UGDH: variants seen among roughly 807,000 people sequenced by gnomAD.
UGDH encodes the protein UDP-Glc dehydrogenase.
In UGDH, 38 loss-of-function variants were observed where a neutral mutation model predicts 50.6. The observed-to-expected ratio is 0.75, with a 90% CI of 0.58 to 0.98. The LOEUF (loss-of-function observed/expected upper bound fraction) is 0.98, where lower values mean the gene tolerates loss of function less well. UGDH is among the 50% of genes least tolerant of loss of function. The pLI is 0.00. For synonymous variants in UGDH, 168 were observed against 199.9 expected, an observed-to-expected ratio of 0.84 and a Z score of 1.35; for missense variants, 465 against 606.2, an observed-to-expected ratio of 0.77 and a Z score of 2.45.
At position 39,521,420 on chromosome 4, in the gene UGDH, C is replaced by A; in HGVS notation, c.93G>T (p.Arg31Ser). ...SVIAHMCPEI[R>S]VTVVDVNESR... ...ATTCATTGACATCAACAACCGTTACCCTGATTTCAGGACACATATGAGCAA... is the reference window on the plus strand; with the variant it reads ...ATTCATTGACATCAACAACCGTTACACTGATTTCAGGACACATATGAGCAA... The change falls in exon 2 of 12, where the codon AGG (arginine) becomes AGT (serine). Residue 31 changes from arginine to serine, a missense_variant. Physicochemically the swap from Arg to Ser is moderately radical, Grantham distance 110. Transcript: ENST00000316423. The A allele has an allele frequency of 3.1e-6, 5 of 1,613,422 alleles. No individual in the cohort carries two copies. The highest frequency in any genetic ancestry group is 4.2e-6 in the Non-Finnish European group (5 of 1,179,696).
At chr4:39,516,101 C>A (rs1320253709) in intron 2 of UGDH, among the ~76,000 whole-genome samples, 1 of 152,028 alleles carries the variant, frequency 6.6e-6, no homozygotes, top group Non-Finnish European at 1.5e-5. Flanking sequence ...GGCAACATGG[C>A]GAAACCCCAT....
At chr4:39,519,637 C>T (rs1157680804) in intron 2 of UGDH, among the ~76,000 whole-genome samples, 2 of 152,064 alleles carry the variant, frequency 1.3e-5, no homozygotes, top group Non-Finnish European at 2.9e-5. Context: ...CTCCTGGGTA[C>T]AAGCGATTCT....
chr4:39,500,382 T>C (rs760071252), intron 11 of UGDH, 129 bp from the exon 12 acceptor site: 1 of 567,348 alleles, frequency 1.8e-6, no homozygotes, highest in Non-Finnish European at 3.1e-6. Flanking sequence ...GTTGTCTGAG[T>C]TGCTATGAGA....
At position 39,504,454 on chromosome 4, in the gene UGDH, T is replaced by C; in HGVS notation, c.1226A>G (p.His409Arg). The C allele has an allele frequency of 6.2e-7, 1 of 1,614,138 alleles. No homozygotes were observed. The highest frequency in any genetic ancestry group is 8.5e-7 in the Non-Finnish European group (1 of 1,180,018). ...KDPYEACDGA[H>R]AVVICTEWDM... is the part of the protein sequence containing the mutation. ...CCACTCAGTGCAAATAACAACAGCA[T>C]GGGCACCATCACATGCTTCATATGG... Residue 409 changes from histidine to arginine, a missense_variant, in exon 10 of 12, where the codon CAT (histidine) becomes CGT (arginine). Coordinates refer to ENST00000316423, the MANE Select transcript of UGDH (RefSeq NM_003359.4).
Position 39,505,348 on chromosome 4 carries a change from T to G in UGDH, c.1060A>C (p.Ser354Arg). 1 of 1,577,768 alleles carries G rather than the reference T, an allele frequency of 6.3e-7. No homozygotes were observed. The change falls in exon 9 of 12, where the codon AGC becomes CGC. Residue 354 changes from serine (S) to arginine (R), a missense_variant. Coordinates refer to ENST00000316423, the MANE Select transcript of UGDH (RefSeq NM_003359.4). ...GCACCTTCATCCATCAAATATTTGCTAATATATATACTAGAAGATTCTCTA... is the reference window on the plus strand; with the variant it reads ...GCACCTTCATCCATCAAATATTTGCGAATATATATACTAGAAGATTCTCTA... ...DTRESSSIYI[S>R]KYLMDEGAHL...
At chr4:39,525,263 G>A (rs1316127115) in intron 1 of UGDH, among the ~76,000 whole-genome samples, 8 of 152,106 alleles carry the variant, frequency 5.3e-5, no homozygotes, top group Non-Finnish European at 1.0e-4. Flanking sequence ...GCACCATGTC[G>A]GCTCACTGCA....
At position 39,504,407 on chromosome 4, in the gene UGDH, G is replaced by C. The variant is rs1745948497; in HGVS notation, c.1263+10C>G. On this transcript the variant is annotated intron_variant, in intron 10 of 11. Transcript: ENST00000316423. ...TAGAATTTTCCTTAGTATCTTTTCT[G>C]TTACCTTACCTTAAACATGTCCCAC... The C allele has an allele frequency of 1.2e-6, 2 of 1,612,890 alleles. No individual in the cohort carries two copies. Among genetic ancestry groups the C allele is most frequent in the East Asian group, 4.5e-5 (2 of 44,852 alleles).
At chr4:39,501,939 C>T (rs114806876) in intron 11 of UGDH, among the ~76,000 whole-genome samples, 5,820 of 152,206 alleles carry the variant, frequency 0.038, 132 homozygotes, top group South Asian at 0.082. Context: ...GAATTAAAAA[C>T]TAATATTTAA....
chr4:39,515,810 G>A (rs964987503), intron 2 of UGDH, among the ~76,000 whole-genome samples: 4 of 151,964 alleles, frequency 2.6e-5, no homozygotes, highest in Admixed American at 6.6e-5. Flanking sequence ...AGTGATTCTC[G>A]TGCCGCAAAC....
At chr4:39,513,208 C>G (rs1050655501) in intron 3 of UGDH, among the ~76,000 whole-genome samples, 4 of 152,108 alleles carry the variant, frequency 2.6e-5, no homozygotes, top group African/African-American at 9.7e-5. Context: ...ACTAGGACAG[C>G]AAGATGTAAG....
chr4:39,505,839 G>A (rs1746005162), intron 7 of UGDH, 91 bp from the exon 8 acceptor site: 3 of 1,269,228 alleles, frequency 2.4e-6, no homozygotes, highest in South Asian at 4.4e-5. Context: ...GAGTGCTATT[G>A]TACAAATACA....
At chr4:39,512,302 T>C (rs1746276390) in intron 3 of UGDH, among the ~76,000 whole-genome samples, 1 of 152,156 alleles carries the variant, frequency 6.6e-6, no homozygotes, top group African/African-American at 2.4e-5. Context: ...AATGGGAGAC[T>C]AAATAAAGGA....
intron 3 of UGDH, among the ~76,000 whole-genome samples, 167 bp downstream of exon 3, chr4:39,513,916 A>T (rs1746344543): frequency 6.6e-6 from 1 of 152,208 alleles, no homozygotes; most frequent in Admixed American, 6.5e-5. Context: ...CTAGATGATT[A>T]CGGGGTTTTG....
chr4:39,501,288 T>C (rs1399941246), intron 11 of UGDH, among the ~76,000 whole-genome samples: 4 of 146,260 alleles, frequency 2.7e-5, no homozygotes, highest in Admixed American at 6.9e-5. Flanking sequence ...TTTTTTTTTT[T>C]TTTTGAGATG....
chr4:39,502,420 A>G (rs1342148459), intron 11 of UGDH, among the ~76,000 whole-genome samples: 1 of 152,234 alleles, frequency 6.6e-6, no homozygotes, highest in Non-Finnish European at 1.5e-5. Context: ...CAGATCAGAT[A>G]TTTTTGAATA....
intron 6 of UGDH, among the ~76,000 whole-genome samples, chr4:39,509,477 C>T (rs998034139): frequency 1.3e-5 from 2 of 152,154 alleles, no homozygotes; most frequent in African/African-American, 4.8e-5. Context: ...CTGGATTTGA[C>T]CCAAAGGCCA....
intron 11 of UGDH, among the ~76,000 whole-genome samples, chr4:39,501,494 C>T (rs981105188): frequency 7.2e-5 from 11 of 151,766 alleles, no homozygotes; most frequent in South Asian, 2.1e-4. Context: ...AGGATGGTCT[C>T]GATCTCCTGA....
chr4:39,510,983 G>T, intron 3 of UGDH, 122 bp from the exon 4 acceptor site: 1 of 831,150 alleles, frequency 1.2e-6, no homozygotes, highest in Non-Finnish European at 1.9e-6. Context: ...TTAATCCTCT[G>T]TTAGTTCCAT....
chr4:39,499,984 T>C lies in UGDH; in HGVS notation c.*159A>G. ...AGCAGAGCTTGCAGTGAGCCGAGAT[T>C]GCACCACTGCACTCCAGCCTGGGCA... On this transcript the variant is annotated 3_prime_UTR_variant, in exon 12 of 12. Coordinates refer to ENST00000316423, the MANE Select transcript of UGDH (RefSeq NM_003359.4). The C allele has an allele frequency of 2.1e-6, 1 of 472,272 alleles. No homozygotes were observed. Among genetic ancestry groups the C allele is most frequent in the Non-Finnish European group, 3.8e-6 (1 of 261,410 alleles). The allele number at this position is 472,272 out of a possible 1,614,324, so 29.3% of individuals were successfully genotyped here.
Sources: allele counts gnomAD v4.1 joint callset (sites outside exome capture counted in the v4.1 genomes callset), GRCh38; gene constraint gnomAD v4.1.1; transcripts MANE v1.5; gene names NCBI Gene and HGNC (gene_info 2026-07-23, HGNC 2026-07-21).